The following ABI1 variants were observed in gnomAD, a reference collection of about 807,000 sequenced individuals.
ABI1 encodes the protein Abelson interactor 1.
In ABI1, 14 loss-of-function variants were observed where a neutral mutation model predicts 54.6. That is an observed-to-expected ratio of 0.26 (90% CI 0.17 to 0.40). ABI1 has a LOEUF of 0.40. Among genes scored for constraint, ABI1 ranks in the 10% least tolerant of loss-of-function variants. The probability of loss-of-function intolerance (pLI) is 1.00; values close to 1 mark genes in which losing one functional copy is unlikely to be tolerated. For synonymous variants in ABI1, 194 were observed against 209.3 expected, an observed-to-expected ratio of 0.93 and a Z score of 0.63; for missense variants, 443 against 598.3, an observed-to-expected ratio of 0.74 and a Z score of 2.71.
At chr10:26,841,716 T>C (rs1016294845) in intron 1 of ABI1, among the ~76,000 whole-genome samples, 5 of 152,140 alleles carry the variant, frequency 3.3e-5, no homozygotes, top group African/African-American at 9.7e-5. Context: ...GTCTGGCTTA[T>C]TTCACTCAGC....
chr10:26,792,456 AG>A (rs1435146422), intron 2 of ABI1, among the ~76,000 whole-genome samples: 1 of 152,194 alleles, frequency 6.6e-6, no homozygotes, highest in Non-Finnish European at 1.5e-5. Context: ...AGCATAAGCC[AG>A]GGAAAAGAGG....
intron 7 of ABI1, 96 bp from the exon 8 acceptor site, chr10:26,759,334 A>C: frequency 9.8e-7 from 1 of 1,018,606 alleles, no homozygotes. Flanking sequence ...TCAGTAAGAA[A>C]TATTTATTAC....
At chr10:26,815,188 T>G (rs2047482308) in intron 2 of ABI1, among the ~76,000 whole-genome samples, 1 of 151,550 alleles carries the variant, frequency 6.6e-6, no homozygotes. Context: ...AATTCCCCAA[T>G]TAAGAATAAA....
chr10:26,767,632 T>C (rs906748604), intron 6 of ABI1, among the ~76,000 whole-genome samples: 32 of 152,134 alleles, frequency 2.1e-4, no homozygotes, highest in Non-Finnish European at 4.6e-4. Context: ...GTTATATGAG[T>C]GTGTGTCCAT....
chr10:26,796,660 C>T (rs1265191332), intron 2 of ABI1, among the ~76,000 whole-genome samples: 1 of 152,192 alleles, frequency 6.6e-6, no homozygotes, highest in Non-Finnish European at 1.5e-5. Context: ...ATTTTAGGTG[C>T]TCATCACTTA....
intron 1 of ABI1, among the ~76,000 whole-genome samples, chr10:26,832,968 A>G (rs2133938189): frequency 6.6e-6 from 1 of 152,362 alleles, no homozygotes; most frequent in African/African-American, 2.4e-5. Context: ...CTATTCCAAT[A>G]AAAGTGAAAA....
intron 2 of ABI1, among the ~76,000 whole-genome samples, chr10:26,810,579 G>GT (rs1224758231): frequency 2.0e-5 from 3 of 152,074 alleles, no homozygotes. Flanking sequence ...GGCTTCTGTC[G>GT]TAACGACTCA....
intron 2 of ABI1, among the ~76,000 whole-genome samples, chr10:26,777,887 A>G (rs1269089233): frequency 1.3e-5 from 2 of 152,144 alleles, no homozygotes; most frequent in Non-Finnish European, 2.9e-5. Context: ...CCCCCAAAAA[A>G]GTAATTACAA....
chr10:26,781,918 T>C (rs149900042), intron 2 of ABI1, among the ~76,000 whole-genome samples: 4 of 152,322 alleles, frequency 2.6e-5, no homozygotes, highest in East Asian at 3.9e-4. Context: ...TCTATCATCA[T>C]AGAGTGGATA....
At chr10:26,823,434 TG>T in intron 1 of ABI1, 129 bp from the exon 2 acceptor site, 1 of 769,922 alleles carries the variant, frequency 1.3e-6, no homozygotes. Flanking sequence ...TGTACCAATA[TG>T]ATAGTCTCAG....
chr10:26,851,080 T>A (rs988531318), intron 1 of ABI1, among the ~76,000 whole-genome samples: 1 of 150,824 alleles, frequency 6.6e-6, no homozygotes, highest in East Asian at 2.0e-4. Context: ...AAAAAGCACA[T>A]GAGAACTAAA....
At chr10:26,801,853 T>C (rs1245709013) in intron 2 of ABI1, among the ~76,000 whole-genome samples, 2 of 152,168 alleles carry the variant, frequency 1.3e-5, no homozygotes, top group African/African-American at 4.8e-5. Context: ...ACAATGGGAA[T>C]AGAGCAATGA....
At position 26,758,617 on chromosome 10, in the gene ABI1, G is replaced by A. The variant is rs188996838; in HGVS notation, c.997+445C>T. 5.3e-5 allele frequency among the ~76,000 whole-genome samples: 8 copies of A among 152,222 alleles called. No homozygotes were observed. In the South Asian group the frequency reaches 6.2e-4, roughly 12 times the overall value. On this transcript the variant is annotated intron_variant, in intron 8 of 10. Coordinates refer to ENST00000376140, the MANE Select transcript of ABI1 (RefSeq NM_001012750.3). ...CGGTTTTGAACTCATTTCTGAACACGTTAATGACCTTAAAAGTGATAGCCA... is the reference window on the plus strand; with the variant it reads ...CGGTTTTGAACTCATTTCTGAACACATTAATGACCTTAAAAGTGATAGCCA...
At chr10:26,817,188 C>G (rs1009920164) in intron 2 of ABI1, among the ~76,000 whole-genome samples, 1 of 151,960 alleles carries the variant, frequency 6.6e-6, no homozygotes, top group African/African-American at 2.4e-5. Flanking sequence ...TTAGTAGAGA[C>G]GGGGTTTCAC....
At chr10:26,832,190 T>G (rs981569758) in intron 1 of ABI1, among the ~76,000 whole-genome samples, 2 of 152,176 alleles carry the variant, frequency 1.3e-5, no homozygotes, top group African/African-American at 4.8e-5. Flanking sequence ...GTAAAGTGTT[T>G]CCCAATTTCA....
At chr10:26,827,127 C>G (rs1026207052) in intron 1 of ABI1, among the ~76,000 whole-genome samples, 1 of 152,010 alleles carries the variant, frequency 6.6e-6, no homozygotes, top group Non-Finnish European at 1.5e-5. Context: ...GTTGTCCAGG[C>G]TGGTCTTGAT....
intron 2 of ABI1, among the ~76,000 whole-genome samples, chr10:26,794,101 G>A (rs577216310): frequency 8.4e-4 from 127 of 152,056 alleles, no homozygotes; most frequent in African/African-American, 2.9e-3. Flanking sequence ...AAAATTAGCC[G>A]GGCATGACAT....
chr10:26,842,382 C>T (rs1298811029), intron 1 of ABI1, among the ~76,000 whole-genome samples: 2 of 152,166 alleles, frequency 1.3e-5, no homozygotes, highest in Non-Finnish European at 2.9e-5. Flanking sequence ...TAGGTTGTTA[C>T]ATTTTGTTGA....
chr10:26,751,259 T>C (rs527683730), intron 10 of ABI1, among the ~76,000 whole-genome samples: 1 of 152,198 alleles, frequency 6.6e-6, no homozygotes, highest in Non-Finnish European at 1.5e-5. Flanking sequence ...CAATAGAGCT[T>C]GACAGAACTT....
Sources: allele counts gnomAD v4.1 joint callset (sites outside exome capture counted in the v4.1 genomes callset), GRCh38; gene constraint gnomAD v4.1.1; transcripts MANE v1.5; gene names NCBI Gene and HGNC (gene_info 2026-07-23, HGNC 2026-07-21).